Variants in SERPINB11 observed in about 807,000 individuals in gnomAD.
SERPINB11 encodes the protein serpin B11.
Under a neutral mutation model 36.7 loss-of-function variants are expected in SERPINB11, and 32 were observed. The observed-to-expected ratio is 0.87, with a 90% CI of 0.66 to 1.17. The LOEUF (loss-of-function observed/expected upper bound fraction) is 1.17, where lower values mean the gene tolerates loss of function less well. SERPINB11 is among the 50% of genes most tolerant of loss of function. The pLI is 0.00. For synonymous variants in SERPINB11, 174 were observed against 168.1 expected, an observed-to-expected ratio of 1.04 and a Z score of -0.27; for missense variants, 528 against 458.4, an observed-to-expected ratio of 1.15 and a Z score of -1.39.
chr18:63,706,375 G>A (rs560520807), intron 1 of SERPINB11, among the ~76,000 whole-genome samples: 67 of 152,190 alleles, frequency 4.4e-4, no homozygotes, highest in Non-Finnish European at 1.6e-4. Flanking sequence ...CACATCTCCA[G>A]AAAGCTCAGC....
chr18:63,716,074 T>G lies in SERPINB11; in HGVS notation c.397T>G (p.Leu133Val), dbSNP rs773126811. The G allele has an allele frequency of 6.2e-7, 1 of 1,612,234 alleles. No homozygotes were observed. Among genetic ancestry groups the G allele is most frequent in the Admixed American group, 1.7e-5 (1 of 59,834 alleles). Residue 133 changes from leucine (L) to valine (V), a missense_variant, in exon 5 of 8, where the codon TTG (leucine) becomes GTG (valine). Physicochemically the swap from Leu to Val is conservative, Grantham distance 32. Transcript: ENST00000544088. ...SCSEKWYQAR[L>V]QTVDFEQSTE... ...TTCTGAGAAATGGTATCAAGCCAGG[T>G]TGCAAACTGTGGATTTTGAACAGTC...
chr18:63,711,632 A>C (rs1403545745), intron 3 of SERPINB11, among the ~76,000 whole-genome samples: 1 of 152,026 alleles, frequency 6.6e-6, no homozygotes, highest in Non-Finnish European at 1.5e-5. Context: ...CTTTACTCAA[A>C]CTTTTTTGTT....
At chr18:63,720,182 A>G (rs1418430255) in intron 6 of SERPINB11, 27 bp downstream of exon 6, 2 of 1,570,534 alleles carry the variant, frequency 1.3e-6, no homozygotes, top group East Asian at 2.3e-5. Flanking sequence ...CAGACTCATG[A>G]CAAATGTTGG....
At chr18:63,716,488 A>C (rs1914671418) in intron 5 of SERPINB11, among the ~76,000 whole-genome samples, 1 of 152,174 alleles carries the variant, frequency 6.6e-6, no homozygotes, top group Non-Finnish European at 1.5e-5. Context: ...GTTAAGGAAA[A>C]ATTTAAGGAT....
chr18:63,707,936 A>G lies in SERPINB11; in HGVS notation c.-15-2243A>G, dbSNP rs141182618. Among the ~76,000 whole-genome samples the G allele has an allele frequency of 7.2e-5, 11 of 152,206 alleles. No homozygotes were observed. In the East Asian group the frequency reaches 1.9e-3, roughly 27 times the overall value. On this transcript the variant is annotated intron_variant, in intron 1 of 7. Transcript: ENST00000544088. ...ATGGAATGGAGGGATGTGGGCTGAG[A>G]TTTCAAACAGAATTAATGGTCAGGG...
chr18:63,717,614 A>G (rs1331591645), intron 5 of SERPINB11, among the ~76,000 whole-genome samples: 1 of 151,984 alleles, frequency 6.6e-6, no homozygotes, highest in African/African-American at 2.4e-5. Flanking sequence ...ATATGGTTGA[A>G]CAATTTTTCA....
chr18:63,718,380 AAAT>A (rs1914722229), intron 5 of SERPINB11, among the ~76,000 whole-genome samples: 1 of 152,034 alleles, frequency 6.6e-6, no homozygotes, highest in African/African-American at 2.4e-5. Flanking sequence ...TTTGGAGAGA[AAAT>A]ACATCTTTAT....
At position 63,716,068 on chromosome 18, in the gene SERPINB11, G is replaced by T; in HGVS notation, c.391G>T (p.Ala131Ser). ...AAGCTGTTCTGAGAAATGGTATCAA[G>T]CCAGGTTGCAAACTGTGGATTTTGA... ...YLSCSEKWYQ[A>S]RLQTVDFEQS... The change falls in exon 5 of 8, where the codon GCC becomes TCC. Residue 131 changes from alanine to serine, a missense_variant. By Grantham distance (99) the Ala-to-Ser change is moderately conservative. Transcript: ENST00000544088. 1.9e-6 allele frequency: 3 copies of T among 1,611,564 alleles called. No individual in the cohort carries two copies. The highest frequency in any genetic ancestry group is 2.5e-6 in the Non-Finnish European group (3 of 1,178,460).
intron 4 of SERPINB11, among the ~76,000 whole-genome samples, chr18:63,713,684 C>T (rs140690753): frequency 2.9e-4 from 44 of 152,172 alleles, no homozygotes; most frequent in African/African-American, 9.6e-4. Context: ...ATATAGGGAA[C>T]GATGTATGGA....
intron 4 of SERPINB11, 46 bp downstream of exon 4, chr18:63,712,739 T>G: frequency 6.3e-7 from 1 of 1,591,564 alleles, no homozygotes; most frequent in Non-Finnish European, 8.6e-7. Flanking sequence ...TGGCGTCCTC[T>G]GAATTTCATA....
chr18:63,723,404 A>G lies in SERPINB11; in HGVS notation c.*5A>G. On this transcript the variant is annotated 3_prime_UTR_variant, in exon 8 of 8. Coordinates refer to ENST00000544088, the MANE Select transcript of SERPINB11 (RefSeq NM_001370475.1). ...GGCAAGCTTGCCTCTCCCTAATCAG[A>G]TGGGGTTGAGCAAGGCTCAGAGTTG... The G allele has an allele frequency of 6.3e-7, 1 of 1,592,154 alleles. No individual in the cohort carries two copies. Among genetic ancestry groups the G allele is most frequent in the Non-Finnish European group, 8.6e-7 (1 of 1,167,358 alleles).
At chr18:63,720,693 AG>A in intron 6 of SERPINB11, 137 bp from the exon 7 acceptor site, 1 of 608,810 alleles carries the variant, frequency 1.6e-6, no homozygotes. Flanking sequence ...GGAAGTAATA[AG>A]GAATCTACTT....
chr18:63,720,771 A>AGTACACACACAT (rs1680379001), intron 6 of SERPINB11, 60 bp from the exon 7 acceptor site: 5 of 1,240,292 alleles, frequency 4.0e-6, no homozygotes, highest in Non-Finnish European at 5.7e-6. Context: ...CAAGGTAATC[A>AGTACACACACAT]GTACACACAC....
chr18:63,723,132 A>G lies in SERPINB11; in HGVS notation c.912A>G (p.Leu304=). 2.5e-6 allele frequency: 4 copies of G among 1,609,988 alleles called. No individual in the cohort carries two copies. Among genetic ancestry groups the G allele is most frequent in the South Asian group, 2.2e-5 (2 of 90,520 alleles). Residue 304 remains leucine, a synonymous_variant, in exon 8 of 8, where the codon CTA becomes CTG. Transcript: ENST00000544088. ...AGCTAAATTCCCTGTTAAAATCTCT[A>G]GGGGTGACAGATCTCTTCAACCAGG... The part of the protein sequence containing the change: ...KYELNSLLKS[L]GVTDLFNQVK...
intron 1 of SERPINB11, among the ~76,000 whole-genome samples, chr18:63,704,754 G>T (rs1234665995): frequency 2.0e-5 from 3 of 152,164 alleles, no homozygotes; most frequent in African/African-American, 7.2e-5. Flanking sequence ...CACCCTGCAA[G>T]ACTCAAGATT....
intron 1 of SERPINB11, among the ~76,000 whole-genome samples, chr18:63,707,264 T>C (rs1230929159): frequency 6.6e-6 from 1 of 152,198 alleles, no homozygotes; most frequent in Non-Finnish European, 1.5e-5. Flanking sequence ...TTTAACATGC[T>C]GTCTGGGGAG....
At position 63,712,632 on chromosome 18, in the gene SERPINB11, C is replaced by T; in HGVS notation, c.296C>T (p.Ser99Phe). The change falls in exon 4 of 8, where the codon TCT (serine) becomes TTT (phenylalanine). Residue 99 changes from serine (S) to phenylalanine (F), a missense_variant. Transcript: ENST00000544088. ...VEFSQINQPD[S>F]NCTLSIANRL... is the part of the protein sequence containing the mutation. ...TTCTCTCAAATCAACCAGCCAGACT[C>T]TAACTGTACCCTCAGCATTGCCAAC... 4 of 1,613,728 alleles carry T rather than the reference C, an allele frequency of 2.5e-6. No individual in the cohort carries two copies. In the East Asian group the frequency reaches 6.7e-5, roughly 27 times the overall value.
intron 3 of SERPINB11, among the ~76,000 whole-genome samples, chr18:63,711,794 G>A (rs35704443): frequency 0.13 from 19,243 of 152,046 alleles, 1,530 homozygotes; most frequent in Middle Eastern, 0.2. Context: ...CAATCCACAT[G>A]CTCTGGGACT....
chr18:63,709,523 A>C (rs2144533404), intron 1 of SERPINB11, among the ~76,000 whole-genome samples: 1 of 152,122 alleles, frequency 6.6e-6, no homozygotes, highest in East Asian at 1.9e-4. Context: ...AGGCAGGAGA[A>C]TGGCATGAAC....
Sources: gnomAD v4.1 joint callset for allele counts (sites outside exome capture counted in the v4.1 genomes callset) on GRCh38, gnomAD v4.1.1 for gene constraint, MANE v1.5 for transcripts, NCBI Gene and HGNC (gene_info 2026-07-23, HGNC 2026-07-21) for gene names.